Variants in ACVRL1 observed in about 807,000 individuals in gnomAD.
ACVRL1 encodes activin A receptor like type 1.
ACVRL1 carries 20 observed loss-of-function variants against 51.9 expected under a neutral mutation model. The ratio of observed to expected loss-of-function variants is 0.39; its 90% confidence interval spans 0.27 to 0.56. ACVRL1 has a LOEUF of 0.56. ACVRL1 is among the 20% of genes least tolerant of loss of function. ACVRL1 has a pLI of 0.67. For synonymous variants in ACVRL1, 288 were observed against 280.9 expected (o/e 1.03, Z -0.25); for missense variants, 451 against 670.3 (o/e 0.67, Z 3.61).
intron 1 of ACVRL1, among the ~76,000 whole-genome samples, chr12:51,912,047 G>A (rs1032509719): frequency 2.0e-5 from 3 of 152,152 alleles, no homozygotes; most frequent in African/African-American, 4.8e-5. Flanking sequence ...GGGCTGGGGG[G>A]GCATTGAGAA....
At position 51,915,269 on chromosome 12, in the gene ACVRL1, C is replaced by T. The variant is rs55802125; in HGVS notation, c.817C>T (p.Leu273=). ...DMTSRNSSTQ[L]WLITHYHEHG... ...GACCTCCCGCAACTCGAGCACGCAG[C>T]TGTGGCTCATCACGCACTACCACGA... The change falls in exon 7 of 10, where the codon CTG becomes TTG. Residue 273 remains leucine, a synonymous_variant. Transcript: ENST00000388922. The T allele has an allele frequency of 2.7e-4, 434 of 1,614,210 alleles. 2 individuals carry two copies. The East Asian group carries it at 7.5e-3, about 28-fold the overall frequency.
chr12:51,918,015 A>C (rs1450594176), intron 8 of ACVRL1, among the ~76,000 whole-genome samples: 1 of 152,236 alleles, frequency 6.6e-6, no homozygotes, highest in African/African-American at 2.4e-5. Context: ...GAAGCTGGCC[A>C]TGGGGAGAAC....
At position 51,916,031 on chromosome 12, in the gene ACVRL1, C is replaced by T. The variant is rs759317623; in HGVS notation, c.1049-5C>T. The T allele has an allele frequency of 1.1e-5, 18 of 1,611,484 alleles. No homozygotes were observed. The highest frequency in any genetic ancestry group is 1.5e-5 in the Non-Finnish European group (18 of 1,178,394). On this transcript the variant is annotated splice_region_variant and splice_polypyrimidine_tract_variant and intron_variant, in intron 7 of 9. Transcript: ENST00000388922. The stretch of plus-strand genomic sequence containing the variant: ...GGGCAGGAGTGACAGGCCTCACCCC[C>T]ACAGGCCTGGCTGTGATGCACTCAC...
intron 7 of ACVRL1, 84 bp from the exon 8 acceptor site, chr12:51,915,952 C>A: frequency 6.8e-7 from 1 of 1,475,566 alleles, no homozygotes; most frequent in Non-Finnish European, 9.2e-7. Flanking sequence ...CTCTGTCCCA[C>A]TGTTTCTCTC....
chr12:51,912,149 G>A (rs1940703202), intron 1 of ACVRL1, among the ~76,000 whole-genome samples: 1 of 152,128 alleles, frequency 6.6e-6, no homozygotes, highest in Non-Finnish European at 1.5e-5. Flanking sequence ...TACCCCAATT[G>A]GGTGCTCCCT....
chr12:51,915,921 C>T (rs545693488), intron 7 of ACVRL1, 115 bp from the exon 8 acceptor site: 15 of 1,166,544 alleles, frequency 1.3e-5, no homozygotes, highest in Admixed American at 8.7e-5. Context: ...TCTCCGTGCA[C>T]GTCTCCATCT....
chr12:51,915,503 G>A lies in ACVRL1; in HGVS notation c.1048+3G>A, dbSNP rs1262533729. ...GCAGTGTTGCATCGCCGACCTGGGT[G>A]AGCCGGGCGGGGCAGGGGCGCGCCC... On this transcript the variant is annotated splice_donor_region_variant and intron_variant, in intron 7 of 9. Transcript: ENST00000388922. The A allele has an allele frequency of 6.2e-7, 1 of 1,605,372 alleles. No individual in the cohort carries two copies. Among genetic ancestry groups the A allele is most frequent in the Admixed American group, 1.7e-5 (1 of 59,908 alleles).
At chr12:51,915,105 G>C in intron 6 of ACVRL1, 120 bp from the exon 7 acceptor site, 1 of 1,150,054 alleles carries the variant, frequency 8.7e-7, no homozygotes, top group East Asian at 2.5e-5. Context: ...CCCACCCCCA[G>C]ACCTAGCTTA....
rs200459424 is a variant in ACVRL1, at chr12:51,920,787, G to A, written c.1406G>A (p.Arg469Gln). Residue 469 changes from arginine to glutamine, a missense_variant, in exon 10 of 10, where the codon CGG (arginine) becomes CAG (glutamine). Arg to Gln is a conservative substitution (Grantham distance 43). Transcript: ENST00000388922. ...PVLSGLAQMM[R>Q]ECWYPNPSAR... The stretch of plus-strand genomic sequence containing the variant: ...CTCTCAGGCCTAGCTCAGATGATGC[G>A]GGAGTGCTGGTACCCAAACCCCTCT... 2.6e-5 allele frequency: 42 copies of A among 1,613,776 alleles called. No individual in the cohort carries two copies. The East Asian group carries it at 3.6e-4, about 14-fold the overall frequency.
Position 51,919,131 on chromosome 12 carries a change from G to A in ACVRL1, c.1377+16G>A. 1 of 1,613,554 alleles carries A rather than the reference G, an allele frequency of 6.2e-7. No individual in the cohort carries two copies. ...TGCAGACCCGGTGAGGCCTCTGCTGGGACTAGGATGGCGTGGGGTGGTGGC... is the reference window on the plus strand; with the variant it reads ...TGCAGACCCGGTGAGGCCTCTGCTGAGACTAGGATGGCGTGGGGTGGTGGC... On this transcript the variant is annotated intron_variant, in intron 9 of 9. Coordinates refer to ENST00000388922, the MANE Select transcript of ACVRL1 (RefSeq NM_000020.3).
Position 51,920,931 on chromosome 12 carries a change from TGGG to T in ACVRL1, c.*43_*45del. 1.5e-5 allele frequency: 3 copies of T among 203,028 alleles called. No homozygotes were observed. Among genetic ancestry groups the T allele is most frequent in the African/African-American group, 7.7e-5 (1 of 13,040 alleles). 12.6% of individuals were successfully genotyped at this position (203,028 alleles called of 1,614,324 possible). On this transcript the variant is annotated 3_prime_UTR_variant, in exon 10 of 10. Transcript: ENST00000388922. ...TGATTCCTTTCTGCCTGCAGGGGGC[TGGG>T]GGGGTGGGGGGCAGTGGATGGTGCC...
At chr12:51,911,659 C>T (rs1259163699) in intron 1 of ACVRL1, among the ~76,000 whole-genome samples, 4 of 152,188 alleles carry the variant, frequency 2.6e-5, no homozygotes, top group South Asian at 2.1e-4. Context: ...CTGGGATGTA[C>T]GCCTGCTGGT....
chr12:51,915,379 C>T lies in ACVRL1; in HGVS notation c.927C>T (p.Gly309=). 1.9e-6 allele frequency: 3 copies of T among 1,614,064 alleles called. No individual in the cohort carries two copies. The highest frequency in any genetic ancestry group is 1.3e-5 in the African/African-American group (1 of 75,080). ...ALRLAVSAAC[G]LAHLHVEIFG... Reference sequence around the variant, plus strand: ...GGCTAGCTGTGTCCGCGGCATGCGGCCTGGCGCACCTGCACGTGGAGATCT... The same window carrying T: ...GGCTAGCTGTGTCCGCGGCATGCGGTCTGGCGCACCTGCACGTGGAGATCT... The change falls in exon 7 of 10, where the codon GGC becomes GGT. Residue 309 remains glycine, a synonymous_variant. Transcript: ENST00000388922.
At chr12:51,910,856 C>T (rs949465225) in intron 1 of ACVRL1, among the ~76,000 whole-genome samples, 1 of 152,188 alleles carries the variant, frequency 6.6e-6, no homozygotes, top group Non-Finnish European at 1.5e-5. Flanking sequence ...GGCTCTGTTT[C>T]CTCCCCCAGC....
Position 51,916,109 on chromosome 12 carries a change from G to T in ACVRL1, c.1122G>T (p.Arg374=), listed in dbSNP as rs187902433. Residue 374 remains arginine (R), a synonymous_variant, in exon 8 of 10, where the codon CGG becomes CGT. Transcript: ENST00000388922. ...ACAACCCGAGAGTGGGCACCAAGCG[G>T]TACATGGCACCCGAGGTGCTGGACG... ...IGNNPRVGTK[R]YMAPEVLDEQ... 2.1e-4 allele frequency: 346 copies of T among 1,613,872 alleles called. 1 individual carries two copies. The highest frequency in any genetic ancestry group is 1.4e-4 in the Non-Finnish European group (161 of 1,179,788).
chr12:51,916,030 C>A lies in ACVRL1; in HGVS notation c.1049-6C>A. The A allele has an allele frequency of 1.2e-6, 2 of 1,611,564 alleles. No homozygotes were observed. The highest frequency in any genetic ancestry group is 1.7e-6 in the Non-Finnish European group (2 of 1,178,372). On this transcript the variant is annotated splice_region_variant and splice_polypyrimidine_tract_variant and intron_variant, in intron 7 of 9. Transcript: ENST00000388922. ...GGGGCAGGAGTGACAGGCCTCACCC[C>A]CACAGGCCTGGCTGTGATGCACTCA...
intron 1 of ACVRL1, among the ~76,000 whole-genome samples, chr12:51,909,874 A>G (rs1940657183): frequency 6.6e-6 from 1 of 152,244 alleles, no homozygotes; most frequent in African/African-American, 2.4e-5. Flanking sequence ...GTGTTTAGCT[A>G]ACGTTTGAAA....
In ACVRL1 at chr12:51,916,168, A is replaced by G; in HGVS notation, c.1181A>G (p.Lys394Arg). 2 of 1,614,152 alleles carry G rather than the reference A, an allele frequency of 1.2e-6. No individual in the cohort carries two copies. Among genetic ancestry groups the G allele is most frequent in the Non-Finnish European group, 1.7e-6 (2 of 1,180,032 alleles). ...QIRTDCFESYKWTDIWAFGLV... is the reference protein window; with the variant it reads ...QIRTDCFESYRWTDIWAFGLV... ...CGCACGGACTGCTTTGAGTCCTACA[A>G]GTGGACTGACATCTGGGCCTTTGGC... Residue 394 changes from lysine (K) to arginine (R), a missense_variant, in exon 8 of 10, where the codon AAG becomes AGG. Coordinates refer to ENST00000388922, the MANE Select transcript of ACVRL1 (RefSeq NM_000020.3).
At chr12:51,914,134 A>C in intron 5 of ACVRL1, 61 bp downstream of exon 5, 1 of 1,562,704 alleles carries the variant, frequency 6.4e-7, no homozygotes. Flanking sequence ...TGGAGGGGTG[A>C]GGGAGTTTTT....
Sources: allele counts gnomAD v4.1 joint callset (sites outside exome capture counted in the v4.1 genomes callset), GRCh38; gene constraint gnomAD v4.1.1; transcripts MANE v1.5; gene names NCBI Gene and HGNC (gene_info 2026-07-23, HGNC 2026-07-21).